VCP: variants seen among roughly 807,000 people sequenced by gnomAD.
The protein encoded by VCP is transitional endoplasmic reticulum ATPase.
Under a neutral mutation model 85.7 loss-of-function variants are expected in VCP, and 6 were observed. The observed-to-expected ratio is 0.07, with a 90% CI of 0.04 to 0.14. The LOEUF is 0.14. VCP is among the 10% of genes least tolerant of loss of function. The probability of loss-of-function intolerance (pLI) is 1.00; values close to 1 mark genes in which losing one functional copy is unlikely to be tolerated. For synonymous variants in VCP, 384 were observed against 367.1 expected (o/e 1.05, Z -0.53); for missense variants, 353 against 1,043.4 (o/e 0.34, Z 9.12).
intron 4 of VCP, 94 bp from the exon 5 acceptor site, chr9:35,065,475 T>A: frequency 6.5e-7 from 1 of 1,543,346 alleles, no homozygotes; most frequent in South Asian, 1.1e-5. Flanking sequence ...GCCAAGCTCA[T>A]TAGATAGTGC....
intron 1 of VCP, chr9:35,071,656 T>C (rs1828947807): frequency 2.1e-6 from 2 of 962,884 alleles, no homozygotes; most frequent in East Asian, 1.2e-4. Flanking sequence ...CTTTCTAGTA[T>C]GAACAACAGG....
rs150564851 is a variant in VCP, at chr9:35,066,458, C to A, written c.445+217G>T. ...GCCAGGCTGGTCTCAAACTCCTGGC[C>A]TCAAGTGATCCACCCGCCTCAGCCT... On this transcript the variant is annotated intron_variant, in intron 4 of 16. Coordinates refer to ENST00000358901, the MANE Select transcript of VCP (RefSeq NM_007126.5). Among the ~76,000 whole-genome samples, 3,793 of 151,170 alleles carry A rather than the reference C, an allele frequency of 0.025. 152 individuals are homozygous for A. The highest frequency in any genetic ancestry group is 0.087 in the African/African-American group (3,564 of 41,192).
rs759578203 is a variant in VCP, at chr9:35,066,639, C to A, written c.445+36G>T. 3.7e-6 allele frequency: 6 copies of A among 1,610,274 alleles called. No homozygotes were observed. In the South Asian group the frequency reaches 6.6e-5, roughly 18 times the overall value. On this transcript the variant is annotated intron_variant, in intron 4 of 16. Coordinates refer to ENST00000358901, the MANE Select transcript of VCP (RefSeq NM_007126.5). ...AAGATGTTCCAAGGTTTATTCCCTA[C>A]AGTCAATAATCCTTAAGCTCAGAAT...
At chr9:35,058,970 T>G in intron 15 of VCP, 94 bp downstream of exon 15, 1 of 1,557,462 alleles carries the variant, frequency 6.4e-7, no homozygotes, top group Non-Finnish European at 8.8e-7. Flanking sequence ...TAGATGATCT[T>G]TCCAACAGCT....
intron 4 of VCP, among the ~76,000 whole-genome samples, chr9:35,066,344 C>A (rs1828830096): frequency 6.7e-6 from 1 of 149,664 alleles, no homozygotes; most frequent in South Asian, 2.2e-4. Flanking sequence ...TCACTGCAAC[C>A]TCCACCTCTT....
At chr9:35,058,986 T>C in intron 15 of VCP, 78 bp downstream of exon 15, 1 of 1,594,136 alleles carries the variant, frequency 6.3e-7, no homozygotes, top group East Asian at 2.2e-5. Context: ...CAGCTTCTAC[T>C]CTCAACTCCA....
chr9:35,061,952 G>A (rs945060885), intron 9 of VCP, 51 bp downstream of exon 9: 8 of 1,613,688 alleles, frequency 5.0e-6, no homozygotes, highest in Non-Finnish European at 6.8e-6. Context: ...AGATGAAGGA[G>A]AGAAGTAGGA....
In VCP at chr9:35,059,866, C is replaced by G. The variant is rs917292807; in HGVS notation, c.1696-65G>C. ...AGATGTCTCTAGGCAAACGTGGTGG[C>G]TCACACCTGTATTCCCAGCACTTTG... On this transcript the variant is annotated intron_variant, in intron 13 of 16. Coordinates refer to ENST00000358901, the MANE Select transcript of VCP (RefSeq NM_007126.5). This position sits in a 1 kb window ranked among gnomAD's most constrained non-coding sequence, Gnocchi z 4.9. 1 of 1,605,146 alleles carries G rather than the reference C, an allele frequency of 6.2e-7. No individual in the cohort carries two copies. The highest frequency in any genetic ancestry group is 1.3e-5 in the African/African-American group (1 of 74,666).
intron 6 of VCP, 73 bp downstream of exon 6, chr9:35,064,081 C>T: frequency 1.9e-6 from 3 of 1,608,612 alleles, no homozygotes; most frequent in Non-Finnish European, 2.5e-6. Context: ...AAAACAGTCC[C>T]AGGATTAGAC....
chr9:35,072,181 G>A, intron 1 of VCP, 156 bp downstream of exon 1: 6 of 1,418,568 alleles, frequency 4.2e-6, no homozygotes, highest in South Asian at 4.0e-5. Context: ...CGGGCCTGCC[G>A]GGTCCACGGC....
chr9:35,069,680 G>A (rs1828902208), intron 1 of VCP, among the ~76,000 whole-genome samples: 1 of 152,094 alleles, frequency 6.6e-6, no homozygotes, highest in Non-Finnish European at 1.5e-5. Context: ...TCGAACTCCT[G>A]ACCTCAGGTG....
At chr9:35,066,075 G>A (rs12376198) in intron 4 of VCP, among the ~76,000 whole-genome samples, 20 of 151,652 alleles carry the variant, frequency 1.3e-4, no homozygotes, top group Middle Eastern at 3.4e-3. Flanking sequence ...GCAGTGAGCC[G>A]AGATTGCACC....
chr9:35,072,460 G>T lies in VCP; in HGVS notation c.-107C>A. 1.5e-6 allele frequency: 2 copies of T among 1,330,010 alleles called. No individual in the cohort carries two copies. The highest frequency in any genetic ancestry group is 3.4e-5 in the South Asian group (2 of 58,338). 82.4% of individuals were successfully genotyped at this position (1,330,010 alleles called of 1,614,324 possible). A position where few individuals can be genotyped will look rare whatever the true frequency, so the allele number is the denominator to read the frequency against. On this transcript the variant is annotated 5_prime_UTR_variant, in exon 1 of 17. Coordinates refer to ENST00000358901, the MANE Select transcript of VCP (RefSeq NM_007126.5). The stretch of plus-strand genomic sequence containing the variant: ...GGCTCGGCTCTTCCAGGCGGTGGGC[G>T]AGCAGCGGCGACAAACCCGCAAGCG...
rs755625059 is a variant in VCP at position 35,057,226 on chromosome 9, T to C, written c.2316-4A>G. 97 of 1,614,166 alleles carry C rather than the reference T, an allele frequency of 6.0e-5. No homozygotes were observed. In the Middle Eastern group the frequency reaches 1.7e-3, roughly 27 times the overall value. The stretch of plus-strand genomic sequence containing the variant: ...ACCCTGGTTCCCTGAAGGGAATCTG[T>C]GTACAAGAGCAAAGCCAAAAAAGAG... On this transcript the variant is annotated splice_polypyrimidine_tract_variant and splice_region_variant and intron_variant, in intron 16 of 16. Coordinates refer to ENST00000358901, the MANE Select transcript of VCP (RefSeq NM_007126.5).
intron 1 of VCP, among the ~76,000 whole-genome samples, chr9:35,070,328 C>G (rs939421456): frequency 2.0e-5 from 3 of 152,194 alleles, no homozygotes; most frequent in African/African-American, 7.2e-5. Context: ...CACGAGCTCT[C>G]CCACTCCTGT....
At chr9:35,072,292 C>A in intron 1 of VCP, 45 bp downstream of exon 1, 1 of 1,483,212 alleles carries the variant, frequency 6.7e-7, no homozygotes, top group South Asian at 1.3e-5. Context: ...GCGGCTGGTC[C>A]CGGTGCGCGC....
intron 1 of VCP, among the ~76,000 whole-genome samples, chr9:35,071,347 A>G (rs965199382): frequency 8.6e-6 from 1 of 116,422 alleles, no homozygotes; most frequent in African/African-American, 3.3e-5. Context: ...TCTATTCTAA[A>G]TTGAATGGGC....
Position 35,056,718 on chromosome 9 carries a change from C to A in VCP, c.*399G>T, listed in dbSNP as rs899450311. On this transcript the variant is annotated 3_prime_UTR_variant, in exon 17 of 17. Coordinates refer to ENST00000358901, the MANE Select transcript of VCP (RefSeq NM_007126.5). ...TCCAGCAACTGTGGCCCCTACCCAC[C>A]TACCCAGGTTGGATAGGGGGAAGGG... is the stretch of plus-strand genomic sequence containing the variant. 20 of 280,596 alleles carry A rather than the reference C, an allele frequency of 7.1e-5. No homozygotes were observed. Among genetic ancestry groups the A allele is most frequent in the African/African-American group, 3.7e-4 (17 of 46,058 alleles). The allele number at this position is 280,596 out of a possible 1,614,324, so 17.4% of individuals were successfully genotyped here. A position where few individuals can be genotyped will look rare whatever the true frequency, so the allele number is the denominator to read the frequency against.
intron 15 of VCP, among the ~76,000 whole-genome samples, chr9:35,058,543 A>G (rs925459661): frequency 1.3e-5 from 2 of 152,212 alleles, no homozygotes; most frequent in African/African-American, 2.4e-5. Flanking sequence ...TGGGCACATC[A>G]CAAGGTCAGG....
Sources: gnomAD v4.1 joint callset for allele counts (sites outside exome capture counted in the v4.1 genomes callset) on GRCh38, gnomAD v4.1.1 for gene constraint, Gnocchi (gnomAD v3.1) non-coding constraint, MANE v1.5 for transcripts, NCBI Gene and HGNC (gene_info 2026-07-23, HGNC 2026-07-21) for gene names.